The following TOR1B variants were observed in gnomAD, a reference collection of about 807,000 sequenced individuals.
The protein encoded by TOR1B is torsin family 1 member B.
TOR1B carries 14 observed loss-of-function variants against 29.2 expected under a neutral mutation model. The ratio of observed to expected loss-of-function variants is 0.48; its 90% CI spans 0.32 to 0.75. TOR1B has a LOEUF of 0.75. Among genes scored for constraint, TOR1B ranks in the 30% least tolerant of loss-of-function variants. TOR1B has a pLI of 0.04. For synonymous variants in TOR1B, 166 were observed against 179.8 expected (o/e 0.92, Z 0.62); for missense variants, 400 against 433.9 (o/e 0.92, Z 0.69).
In TOR1B at chr9:129,809,940, G is replaced by A; in HGVS notation, c.*357G>A. On this transcript the variant is annotated 3_prime_UTR_variant, in exon 5 of 5. Transcript: ENST00000259339. ...CGCGCATTTGTCATTTAGCAAGATG[G>A]CAGCAGTCCAGCTGTTCTTTGCAGC... 8.4e-7 allele frequency: 1 copy of A among 1,189,668 alleles called. No individual in the cohort carries two copies. Among genetic ancestry groups the A allele is most frequent in the Non-Finnish European group, 1.1e-6 (1 of 944,718 alleles). 73.7% of individuals were successfully genotyped at this position (1,189,668 alleles called of 1,614,324 possible).
At position 129,810,464 on chromosome 9, in the gene TOR1B, G is replaced by T; in HGVS notation, c.*881G>T. 18 of 1,158,346 alleles carry T rather than the reference G, an allele frequency of 1.6e-5. No homozygotes were observed. Among genetic ancestry groups the T allele is most frequent in the Non-Finnish European group, 1.9e-5 (17 of 917,628 alleles). The allele number at this position is 1,158,346 out of a possible 1,614,324, so 71.8% of individuals were successfully genotyped here. A position where few individuals can be genotyped will look rare whatever the true frequency, so the allele number is the denominator to read the frequency against. ...AGCCCTGGCTGTGGAATCCTTCACC[G>T]TCTCAGCTGGTATCAGCCCCAGCCT... On this transcript the variant is annotated 3_prime_UTR_variant, in exon 5 of 5. Transcript: ENST00000259339.
At position 129,809,937 on chromosome 9, in the gene TOR1B, A is replaced by T; in HGVS notation, c.*354A>T. ...TTGCGCGCATTTGTCATTTAGCAAG[A>T]TGGCAGCAGTCCAGCTGTTCTTTGC... On this transcript the variant is annotated 3_prime_UTR_variant, in exon 5 of 5. Transcript: ENST00000259339. 1 of 1,192,764 alleles carries T rather than the reference A, an allele frequency of 8.4e-7. No individual in the cohort carries two copies. The highest frequency in any genetic ancestry group is 1.1e-6 in the Non-Finnish European group (1 of 946,710). 73.9% of individuals were successfully genotyped at this position (1,192,764 alleles called of 1,614,324 possible).
chr9:129,809,822 C>T lies in TOR1B; in HGVS notation c.*239C>T. On this transcript the variant is annotated 3_prime_UTR_variant, in exon 5 of 5. Transcript: ENST00000259339. ...GTTTGAGTGATTCTCATGCCTCAGCCTCCCGAGTAGCTGGGATTACAGGCA... is the reference window on the plus strand; with the variant it reads ...GTTTGAGTGATTCTCATGCCTCAGCTTCCCGAGTAGCTGGGATTACAGGCA... 7.3e-7 allele frequency: 1 copy of T among 1,370,434 alleles called. No homozygotes were observed. Among genetic ancestry groups the T allele is most frequent in the African/African-American group, 1.5e-5 (1 of 68,482 alleles). 84.9% of individuals were successfully genotyped at this position (1,370,434 alleles called of 1,614,324 possible). A position where few individuals can be genotyped will look rare whatever the true frequency, so the allele number is the denominator to read the frequency against.
Position 129,809,453 on chromosome 9 carries a change from C to G in TOR1B, c.881C>G (p.Ala294Gly), listed in dbSNP as rs1307841504. 6.2e-7 allele frequency: 1 copy of G among 1,614,064 alleles called. No homozygotes were observed. The highest frequency in any genetic ancestry group is 8.5e-7 in the Non-Finnish European group (1 of 1,180,048). The change falls in exon 5 of 5, where the codon GCC (alanine) becomes GGC (glycine). Residue 294 changes from alanine (A) to glycine (G), a missense_variant. Transcript: ENST00000259339. ...ATGTGTGTGAGGGCCGAGATGAGGG[C>G]CCGTGGTTCTGCCATAGATGAAGAC... ...VKMCVRAEMR[A>G]RGSAIDEDIV...
At chr9:129,807,393 C>T (rs1277916376) in intron 3 of TOR1B, 30 bp downstream of exon 3, 30 of 1,610,226 alleles carry the variant, frequency 1.9e-5, no homozygotes, top group Non-Finnish European at 2.3e-5. Flanking sequence ...TTGGGGCACA[C>T]AAGCCCTTCA....
At chr9:129,804,550 T>C in intron 2 of TOR1B, 1 of 595,400 alleles carries the variant, frequency 1.7e-6, no homozygotes, top group East Asian at 3.0e-5. Flanking sequence ...TAGGGGATGT[T>C]ATTTCCATTA....
intron 4 of TOR1B, 56 bp downstream of exon 4, chr9:129,809,088 C>CT (rs1420204150): frequency 1.3e-6 from 2 of 1,553,310 alleles, no homozygotes; most frequent in African/African-American, 2.8e-5. Flanking sequence ...GCCGTCTGCT[C>CT]TTTCATTGAG....
At chr9:129,807,679 C>G (rs1564178191) in intron 3 of TOR1B, among the ~76,000 whole-genome samples, 1 of 151,932 alleles carries the variant, frequency 6.6e-6, no homozygotes, top group Non-Finnish European at 1.5e-5. Context: ...AACCCTGTCT[C>G]TACTAAAAAT....
At chr9:129,803,571 C>G (rs979534135) in intron 1 of TOR1B, among the ~76,000 whole-genome samples, 160 bp downstream of exon 1, 1 of 152,154 alleles carries the variant, frequency 6.6e-6, no homozygotes, top group Non-Finnish European at 1.5e-5. Context: ...GGGGCGGCCC[C>G]GGAACCGTTC....
At chr9:129,804,960 G>A (rs1263590749) in intron 2 of TOR1B, among the ~76,000 whole-genome samples, 4 of 150,484 alleles carry the variant, frequency 2.7e-5, no homozygotes, top group African/African-American at 4.9e-5. Context: ...AACACGGTGA[G>A]ACCCCGTCTC....
Position 129,809,713 on chromosome 9 carries a change from T to C in TOR1B, c.*130T>C, listed in dbSNP as rs2030733065. 2.7e-6 allele frequency: 4 copies of C among 1,461,456 alleles called. No homozygotes were observed. The East Asian group carries it at 9.7e-5, about 36-fold the overall frequency. The allele number at this position is 1,461,456 out of a possible 1,614,324, so 90.5% of individuals were successfully genotyped here. On this transcript the variant is annotated 3_prime_UTR_variant, in exon 5 of 5. Coordinates refer to ENST00000259339, the MANE Select transcript of TOR1B (RefSeq NM_014506.3). ...ACCTTAGACTTTTGGGTATAGAATC[T>C]TTTTTTTGAGAAGAGGTCTCACTCC...
At chr9:129,807,107 T>C in intron 2 of TOR1B, 81 bp from the exon 3 acceptor site, 4 of 1,421,808 alleles carry the variant, frequency 2.8e-6, no homozygotes, top group Non-Finnish European at 3.9e-6. Flanking sequence ...CTTCAGTGCA[T>C]GAGGAGCAGA....
chr9:129,810,220 T>C lies in TOR1B; in HGVS notation c.*637T>C, dbSNP rs780676874. On this transcript the variant is annotated 3_prime_UTR_variant, in exon 5 of 5. Coordinates refer to ENST00000259339, the MANE Select transcript of TOR1B (RefSeq NM_014506.3). ...CATCCTTTTGCTCTGTCTCGTTCTTTACACAGAGTTCACTGACTTGAAGTA... is the reference window on the plus strand; with the variant it reads ...CATCCTTTTGCTCTGTCTCGTTCTTCACACAGAGTTCACTGACTTGAAGTA... The C allele has an allele frequency of 3.8e-6, 5 of 1,304,244 alleles. No individual in the cohort carries two copies. Among genetic ancestry groups the C allele is most frequent in the South Asian group, 2.5e-5 (2 of 81,024 alleles). 80.8% of individuals were successfully genotyped at this position (1,304,244 alleles called of 1,614,324 possible).
chr9:129,803,404 C>G lies in TOR1B; in HGVS notation c.192C>G (p.Asn64Lys), dbSNP rs747841289. ...AECCREERPL[N>K]ASALKLDLEE... The stretch of plus-strand genomic sequence containing the variant: ...GCTGCCGCGAGGAGCGGCCGCTCAA[C>G]GCTTCGGGTACGGCGCGCGCGCGAG... Residue 64 changes from asparagine to lysine, a missense_variant, in exon 1 of 5, where the codon AAC becomes AAG. Physicochemically the swap from Asn to Lys is moderately conservative, Grantham distance 94 (BLOSUM62 0). Transcript: ENST00000259339. The G allele has an allele frequency of 6.5e-7, 1 of 1,540,394 alleles. No individual in the cohort carries two copies. The highest frequency in any genetic ancestry group is 8.7e-7 in the Non-Finnish European group (1 of 1,147,370).
chr9:129,808,576 T>C (rs1588210552), intron 3 of TOR1B, among the ~76,000 whole-genome samples: 1 of 111,866 alleles, frequency 8.9e-6, no homozygotes, highest in Non-Finnish European at 1.8e-5. Context: ...TGAGACCGAG[T>C]TTCATTTTTG....
chr9:129,803,289 A>G lies in TOR1B; in HGVS notation c.77A>G (p.Glu26Gly). The G allele has an allele frequency of 6.3e-7, 1 of 1,578,134 alleles. No individual in the cohort carries two copies. ...GCGGCCCGAGTGGTGGCGGCGTTCG[A>G]GCCCATCACCGTGGGCCTAGCCATC... ...LLAARVVAAFEPITVGLAIGA... is the reference protein window; with the variant it reads ...LLAARVVAAFGPITVGLAIGA... Residue 26 changes from glutamate to glycine, a missense_variant, in exon 1 of 5, where the codon GAG (glutamate) becomes GGG (glycine). Glu to Gly is a moderately conservative substitution (Grantham distance 98). Transcript: ENST00000259339.
chr9:129,807,309 A>G lies in TOR1B; in HGVS notation c.587A>G (p.Tyr196Cys). The G allele has an allele frequency of 1.9e-6, 3 of 1,614,166 alleles. No individual in the cohort carries two copies. Among genetic ancestry groups the G allele is most frequent in the Non-Finnish European group, 2.5e-6 (3 of 1,180,034 alleles). The change falls in exon 3 of 5, where the codon TAC becomes TGC. Residue 196 changes from tyrosine (Y) to cysteine (C), a missense_variant. Coordinates refer to ENST00000259339, the MANE Select transcript of TOR1B (RefSeq NM_014506.3). ...IIDAIKPFLD[Y>C]YEQVDGVSYR... ...GACGCAATCAAGCCGTTTCTAGACT[A>G]CTACGAGCAGGTTGACGGAGTGTCT...
intron 3 of TOR1B, 148 bp downstream of exon 3, chr9:129,807,511 G>A (rs1588209622): frequency 1.1e-6 from 1 of 941,560 alleles, no homozygotes; most frequent in East Asian, 2.4e-5. Flanking sequence ...CTTTTCCTTT[G>A]CCAGTCTCAG....
Position 129,803,355 on chromosome 9 carries a change from A to T in TOR1B, c.143A>T (p.Asp48Val), listed in dbSNP as rs1304196798. 1 of 1,585,582 alleles carries T rather than the reference A, an allele frequency of 6.3e-7. No individual in the cohort carries two copies. The highest frequency in any genetic ancestry group is 8.6e-7 in the Non-Finnish European group (1 of 1,169,582). Residue 48 changes from aspartate to valine, a missense_variant, in exon 1 of 5, where the codon GAC becomes GTC. Transcript: ENST00000259339. ...SAITGYLSYN[D>V]IYCRFAECCR... is the part of the protein sequence containing the mutation. ...ATCACCGGCTACCTGTCCTACAATG[A>T]CATCTACTGCCGCTTCGCCGAGTGC...
Sources: gnomAD v4.1 joint callset for allele counts (sites outside exome capture counted in the v4.1 genomes callset) on GRCh38, gnomAD v4.1.1 for gene constraint, MANE v1.5 for transcripts, NCBI Gene and HGNC (gene_info 2026-07-23, HGNC 2026-07-21) for gene names.